Variants in PTPRD observed in about 807,000 individuals in gnomAD.
PTPRD encodes receptor-type tyrosine-protein phosphatase delta.
PTPRD carries 34 observed loss-of-function variants against 214.5 expected under a neutral mutation model. That is an observed-to-expected ratio of 0.16 (90% confidence interval 0.12 to 0.21). The LOEUF is 0.21. Ranked by LOEUF, PTPRD falls within the 10% of genes least tolerant of loss-of-function variation. PTPRD has a pLI of 1.00. For missense variants in PTPRD, 2,545 were observed against 2,398.7 expected (o/e 1.06, Z -1.27); for synonymous variants, 1,128 against 845.7 (o/e 1.33, Z -5.79).
intron 44 of PTPRD, among the ~76,000 whole-genome samples, chr9:8,326,961 T>C (rs556197297): frequency 6.8e-6 from 1 of 147,084 alleles, no homozygotes; most frequent in African/African-American, 2.4e-5. Flanking sequence ...CTATCTATTT[T>C]GTTGATCTTT....
intron 2 of PTPRD, among the ~76,000 whole-genome samples, chr9:10,344,693 C>T (rs1275442223): frequency 1.3e-5 from 2 of 151,998 alleles, no homozygotes; most frequent in South Asian, 2.1e-4. Context: ...TGTTTGTGCC[C>T]TCTTTTATTT....
At chr9:9,082,603 G>C (rs1479348610) in intron 10 of PTPRD, among the ~76,000 whole-genome samples, 3 of 152,144 alleles carry the variant, frequency 2.0e-5, no homozygotes, top group Non-Finnish European at 4.4e-5. Flanking sequence ...AAAAGAGGAA[G>C]TCAAATTGTC....
At chr9:9,401,524 T>C (rs74521677) in intron 8 of PTPRD, among the ~76,000 whole-genome samples, 3,076 of 152,150 alleles carry the variant, frequency 0.02, 101 homozygotes, top group African/African-American at 0.07. Context: ...CCTTACTATA[T>C]ATATATTGTT....
At chr9:9,268,815 A>T (rs888408840) in intron 9 of PTPRD, among the ~76,000 whole-genome samples, 10 of 150,854 alleles carry the variant, frequency 6.6e-5, no homozygotes, top group Non-Finnish European at 1.3e-4. Flanking sequence ...AGCAAAAAAA[A>T]AAAAAAGGAA....
intron 8 of PTPRD, among the ~76,000 whole-genome samples, chr9:9,436,467 C>A (rs1389532597): frequency 6.6e-6 from 1 of 152,032 alleles, no homozygotes; most frequent in Admixed American, 6.6e-5. Context: ...TACATACTGG[C>A]AAGAATTAAA....
At chr9:8,940,280 C>CCTTTGTTTTTTTTTTTTTTTTTTTTTTTT (rs763715400) in intron 11 of PTPRD, among the ~76,000 whole-genome samples, 1 of 89,050 alleles carries the variant, frequency 1.1e-5, no homozygotes, top group Non-Finnish European at 2.1e-5. Context: ...TCTCTCTCTC[C>CCTTTGTTTTTTTTTTTTTTTTTTTTTTTT]TTTTTTTTTT....
At chr9:9,810,023 G>T (rs764101224) in intron 5 of PTPRD, among the ~76,000 whole-genome samples, 25 of 150,516 alleles carry the variant, frequency 1.7e-4, no homozygotes, top group Non-Finnish European at 3.7e-4. Flanking sequence ...TACCAAGTGT[G>T]CCTGCCTCTC....
intron 9 of PTPRD, among the ~76,000 whole-genome samples, chr9:9,191,596 C>A (rs1432399286): frequency 6.6e-6 from 1 of 152,068 alleles, no homozygotes; most frequent in African/African-American, 2.4e-5. Context: ...CCCAATATGA[C>A]AAACACATTT....
chr9:8,991,834 G>C (rs2099368600), intron 11 of PTPRD, among the ~76,000 whole-genome samples: 2 of 152,172 alleles, frequency 1.3e-5, no homozygotes, highest in African/African-American at 4.8e-5. Context: ...TCAGAGAAAT[G>C]CTAAATTAAA....
chr9:10,181,516 G>C (rs1653442139), intron 3 of PTPRD, among the ~76,000 whole-genome samples: 1 of 151,702 alleles, frequency 6.6e-6, no homozygotes, highest in Admixed American at 6.6e-5. Flanking sequence ...TTTTTTTTAA[G>C]AGACTTCACA....
chr9:9,383,231 TC>T (rs1235166473), intron 9 of PTPRD, among the ~76,000 whole-genome samples: 9 of 152,006 alleles, frequency 5.9e-5, no homozygotes, highest in Admixed American at 5.9e-4. Context: ...GACTATATAC[TC>T]CCTAAAGACA....
rs575298428 is a variant in PTPRD at position 8,999,240 on chromosome 9, T to C, written c.-104+19457A>G. Among the ~76,000 whole-genome samples, 6 of 152,134 alleles carry C rather than the reference T, an allele frequency of 3.9e-5. No individual in the cohort carries two copies. In the South Asian group the frequency reaches 1.2e-3, roughly 31 times the overall value. ...TCACACACAACAGAGAAATCTTTCA[T>C]GAAAGGAAAAGTAAATTGATGTGCA... On this transcript the variant is annotated intron_variant, in intron 11 of 45. Coordinates refer to ENST00000381196, the MANE Select transcript of PTPRD (RefSeq NM_002839.4).
intron 3 of PTPRD, among the ~76,000 whole-genome samples, chr9:10,034,983 C>T (rs975426889): frequency 2.6e-5 from 4 of 152,060 alleles, no homozygotes; most frequent in Non-Finnish European, 5.9e-5. Flanking sequence ...AATAGGATTG[C>T]TGGGTCAATT....
intron 11 of PTPRD, among the ~76,000 whole-genome samples, chr9:8,871,921 T>C (rs1375797533): frequency 6.6e-6 from 1 of 152,102 alleles, no homozygotes; most frequent in Admixed American, 6.6e-5. Context: ...GTAATTCAGA[T>C]TGGCATCATT....
intron 34 of PTPRD, among the ~76,000 whole-genome samples, chr9:8,445,557 T>C (rs1014905260): frequency 2.6e-5 from 4 of 152,126 alleles, no homozygotes; most frequent in African/African-American, 9.7e-5. Context: ...TTCCCGTATA[T>C]TTGTCCAGAC....
intron 4 of PTPRD, among the ~76,000 whole-genome samples, chr9:9,950,839 T>G (rs2153996080): frequency 6.6e-6 from 1 of 151,964 alleles, no homozygotes; most frequent in East Asian, 1.9e-4. Context: ...TCATTTTTCC[T>G]TCCCTCATTC....
At position 8,349,325 on chromosome 9, in the gene PTPRD, T is replaced by C. The variant is rs1329062221; in HGVS notation, c.4662-7347A>G. Among the ~76,000 whole-genome samples the C allele has an allele frequency of 1.4e-4, 21 of 152,184 alleles. 1 individual carries two copies. ...TTAAAAGTATCCCAGCCTACTTTTG[T>C]TTGAATTTCCAAGTTCCCACAGCAG... On this transcript the variant is annotated intron_variant, in intron 39 of 45. Coordinates refer to ENST00000381196, the MANE Select transcript of PTPRD (RefSeq NM_002839.4).
chr9:9,305,370 C>T (rs1595502302), intron 9 of PTPRD, among the ~76,000 whole-genome samples: 1 of 152,088 alleles, frequency 6.6e-6, no homozygotes, highest in South Asian at 2.1e-4. Flanking sequence ...ATCAAATAAA[C>T]ATTTATTTGG....
chr9:9,242,777 T>C (rs1272524171), intron 9 of PTPRD, among the ~76,000 whole-genome samples: 3 of 152,126 alleles, frequency 2.0e-5, no homozygotes, highest in Non-Finnish European at 4.4e-5. Context: ...TTCTTTCCGA[T>C]GGTTTCAAAC....
Sources: gnomAD v4.1 joint callset for allele counts (sites outside exome capture counted in the v4.1 genomes callset) on GRCh38, gnomAD v4.1.1 for gene constraint, MANE v1.5 for transcripts, NCBI Gene and HGNC (gene_info 2026-07-23, HGNC 2026-07-21) for gene names.